The following SLC2A9 variants were observed in gnomAD, a reference collection of about 807,000 sequenced individuals.
SLC2A9 encodes solute carrier family 2 member 9, also known as solute carrier family 2, facilitated glucose transporter member 9.
A neutral mutation model predicts 50.6 loss-of-function variants in SLC2A9; 39 were observed. That is an observed-to-expected ratio of 0.77 (90% CI 0.60 to 1.01). SLC2A9 has a LOEUF of 1.01. SLC2A9 is among the 50% of genes least tolerant of loss of function. The pLI is 0.00. For synonymous variants in SLC2A9, 324 were observed against 276.9 expected (o/e 1.17, Z -1.69); for missense variants, 686 against 677.6 (o/e 1.01, Z -0.14).
chr4:9,810,845 G>A (rs928949799), intron 3 of SLC2A9, among the ~76,000 whole-genome samples: 5 of 152,188 alleles, frequency 3.3e-5, no homozygotes, highest in African/African-American at 1.2e-4. Context: ...AAGGGCCAGT[G>A]GGCAATGCCC....
At chr4:9,922,914 C>G (rs1168118180) in intron 6 of SLC2A9, 1 of 152,508 alleles carries the variant, frequency 6.6e-6, no homozygotes, top group East Asian at 1.9e-4. Flanking sequence ...AGGACCCTGG[C>G]CCAAGCGCAC....
chr4:9,921,492 C>A (rs542092817), intron 6 of SLC2A9, among the ~76,000 whole-genome samples: 6 of 152,190 alleles, frequency 3.9e-5, no homozygotes, highest in Non-Finnish European at 7.3e-5. Context: ...CTGGCTCCTG[C>A]GGACAGTCCA....
chr4:9,895,179 G>A (rs930303081), intron 8 of SLC2A9, among the ~76,000 whole-genome samples: 1 of 152,104 alleles, frequency 6.6e-6, no homozygotes, highest in African/African-American at 2.4e-5. Flanking sequence ...TTTTTGTTTC[G>A]TTTCCCTAAA....
intron 5 of SLC2A9, among the ~76,000 whole-genome samples, chr4:9,972,810 T>C (rs1380674337): frequency 2.6e-5 from 4 of 152,182 alleles, no homozygotes; most frequent in East Asian, 1.9e-4. Flanking sequence ...GTAAGAAGAA[T>C]GTTTAGAGTG....
chr4:9,820,954 C>T (rs1242821531), intron 3 of SLC2A9, among the ~76,000 whole-genome samples: 1 of 152,166 alleles, frequency 6.6e-6, no homozygotes, highest in Non-Finnish European at 1.5e-5. Flanking sequence ...ACTTGAACTT[C>T]CAGTATGATA....
chr4:9,924,200 T>G (rs1243225860), intron 6 of SLC2A9: 1 of 152,252 alleles, frequency 6.6e-6, no homozygotes, highest in East Asian at 1.9e-4. Flanking sequence ...AGACAGAACC[T>G]GGTGCTTCAA....
At chr4:9,939,473 T>C (rs1214801458) in intron 6 of SLC2A9, among the ~76,000 whole-genome samples, 2 of 152,214 alleles carry the variant, frequency 1.3e-5, no homozygotes, top group Non-Finnish European at 2.9e-5. Flanking sequence ...CCGAGCATGG[T>C]GCTAAGTAAT....
chr4:9,879,077 A>G (rs1734764223), intron 10 of SLC2A9: 1 of 984,832 alleles, frequency 1.0e-6, no homozygotes, highest in Admixed American at 6.2e-5. Flanking sequence ...GTGTGTTTGG[A>G]TACAGGTGAT....
At chr4:9,902,950 C>T (rs1739925600) in intron 8 of SLC2A9, among the ~76,000 whole-genome samples, 1 of 152,168 alleles carries the variant, frequency 6.6e-6, no homozygotes, top group African/African-American at 2.4e-5. Flanking sequence ...CTGTGAATTA[C>T]AGTATGATTC....
At chr4:9,980,166 A>G (rs1213379635) in intron 5 of SLC2A9, among the ~76,000 whole-genome samples, 1 of 152,258 alleles carries the variant, frequency 6.6e-6, no homozygotes, top group African/African-American at 2.4e-5. Flanking sequence ...AGGAAAAAAG[A>G]GACTAAAGAA....
At chr4:9,881,777 C>A (rs1735259073) in intron 10 of SLC2A9, among the ~76,000 whole-genome samples, 1 of 152,186 alleles carries the variant, frequency 6.6e-6, no homozygotes, top group Non-Finnish European at 1.5e-5. Context: ...GAAACCATGA[C>A]TAGGACTTAA....
chr4:9,979,664 C>T (rs1755376068), intron 5 of SLC2A9, among the ~76,000 whole-genome samples: 1 of 152,104 alleles, frequency 6.6e-6, no homozygotes, highest in South Asian at 2.1e-4. Flanking sequence ...CTAGTCTACA[C>T]CCACCGCCTC....
At position 9,811,274 on chromosome 4, in the gene SLC2A9, T is replaced by C. The variant is rs117095092; in HGVS notation, n.421-12033A>G. On this transcript the variant is annotated intron_variant and non_coding_transcript_variant, in intron 3 of 3. Transcript: ENST00000503280. ...CTGCATGCCCCTTTGGGATGTGACT[T>C]TGGGGGCCTCTCATCAGCAGCTGAA... Among the ~76,000 whole-genome samples, 161 of 152,322 alleles carry C rather than the reference T, an allele frequency of 1.1e-3. 2 individuals carry two copies. In the East Asian group the frequency reaches 0.028, roughly 27 times the overall value.
At chr4:9,888,816 C>T (rs1169986630) in intron 9 of SLC2A9, among the ~76,000 whole-genome samples, 1 of 152,162 alleles carries the variant, frequency 6.6e-6, no homozygotes, top group Admixed American at 6.5e-5. Context: ...GAACTCCCTC[C>T]TTCCCCTTGT....
At chr4:9,900,330 T>C (rs1387533213) in intron 8 of SLC2A9, among the ~76,000 whole-genome samples, 1 of 151,952 alleles carries the variant, frequency 6.6e-6, no homozygotes, top group Admixed American at 6.6e-5. Context: ...GGGGAGTAAA[T>C]CAGGAAAATT....
Position 10,014,421 on chromosome 4 carries a change from G to A in SLC2A9, c.249+4554C>T, listed in dbSNP as rs558803601. Among the ~76,000 whole-genome samples, 3 of 152,224 alleles carry A rather than the reference G, an allele frequency of 2.0e-5. No individual in the cohort carries two copies. The East Asian group carries it at 5.8e-4, about 29-fold the overall frequency. On this transcript the variant is annotated intron_variant, in intron 2 of 11. Transcript: ENST00000264784. The stretch of plus-strand genomic sequence containing the variant: ...ACTCAGGGCAGTTTCCACCTCGGAA[G>A]GGCCTCCCAGGGCGAGCCTTGGCCC...
At chr4:9,866,591 G>C (rs928644561) in intron 10 of SLC2A9, among the ~76,000 whole-genome samples, 2 of 152,132 alleles carry the variant, frequency 1.3e-5, no homozygotes, top group African/African-American at 4.8e-5. Context: ...CCCGAGAACT[G>C]GGGAAGGAAG....
At chr4:9,781,755 G>A (rs1401837086) in intron 3 of SLC2A9, 12 of 382,800 alleles carry the variant, frequency 3.1e-5, no homozygotes, top group African/African-American at 4.1e-5. Flanking sequence ...AGACTCCCGA[G>A]AACAGCCCTG....
chr4:9,834,449 G>A (rs1726695726), intron 11 of SLC2A9, among the ~76,000 whole-genome samples: 1 of 152,162 alleles, frequency 6.6e-6, no homozygotes, highest in African/African-American at 2.4e-5. Context: ...ACTGATCACT[G>A]TCACCCTTGG....
Sources: allele counts gnomAD v4.1 joint callset (sites outside exome capture counted in the v4.1 genomes callset), GRCh38; gene constraint gnomAD v4.1.1; transcripts MANE v1.5; gene names NCBI Gene and HGNC (gene_info 2026-07-23, HGNC 2026-07-21).